The following PRKAG2 variants were observed in gnomAD, a reference collection of about 807,000 sequenced individuals.
PRKAG2 encodes the protein 5'-AMP-activated protein kinase subunit gamma-2.
A neutral mutation model predicts 69.6 loss-of-function variants in PRKAG2; 26 were observed. That is an observed-to-expected ratio of 0.37 (90% CI 0.27 to 0.52). The LOEUF is 0.52. Among genes scored for constraint, PRKAG2 ranks in the 20% least tolerant of loss-of-function variants. PRKAG2 has a pLI of 0.90. For missense variants in PRKAG2, 557 were observed against 740.0 expected (o/e 0.75, Z 2.87); for synonymous variants, 293 against 285.0 (o/e 1.03, Z -0.28).
At chr7:151,802,572 T>TGGCTTAAAGGCCAAATTGCACTGCCCTA (rs1467774373) in intron 1 of PRKAG2, among the ~76,000 whole-genome samples, 1 of 152,192 alleles carries the variant, frequency 6.6e-6, no homozygotes, top group Non-Finnish European at 1.5e-5. Flanking sequence ...CTGCCCTATT[T>TGGCTTAAAGGCCAAATTGCACTGCCCTA]TCATGGCTTA....
At chr7:151,558,134 A>C in intron 15 of PRKAG2, 1 of 985,418 alleles carries the variant, frequency 1.0e-6, no homozygotes, top group South Asian at 4.7e-5. Flanking sequence ...ATGCACGCAC[A>C]CATGGGTTCA....
At chr7:151,796,142 C>T (rs919794303) in intron 1 of PRKAG2, among the ~76,000 whole-genome samples, 8 of 152,100 alleles carry the variant, frequency 5.3e-5, no homozygotes, top group Admixed American at 1.3e-4. Context: ...CCCCCTCACC[C>T]GAGCTGGTGG....
chr7:151,706,908 C>T (rs1434485887), intron 3 of PRKAG2, among the ~76,000 whole-genome samples: 1 of 152,238 alleles, frequency 6.6e-6, no homozygotes, highest in Non-Finnish European at 1.5e-5. Context: ...CACTCAAATA[C>T]ACCCTCCAGA....
intron 6 of PRKAG2, among the ~76,000 whole-genome samples, chr7:151,586,596 C>T (rs1032526181): frequency 7.2e-5 from 11 of 152,176 alleles, no homozygotes; most frequent in South Asian, 2.1e-4. Flanking sequence ...AGGTGCTCTC[C>T]GCAACTATTG....
At chr7:151,683,500 T>C (rs6464161) in intron 3 of PRKAG2, among the ~76,000 whole-genome samples, 53,010 of 151,760 alleles carry the variant, frequency 0.35, 9,279 homozygotes, top group Middle Eastern at 0.41. Context: ...GCCTCATTCC[T>C]GCCTGAGGAA....
chr7:151,615,331 T>A (rs1423407061), intron 5 of PRKAG2, among the ~76,000 whole-genome samples: 1 of 152,256 alleles, frequency 6.6e-6, no homozygotes, highest in Non-Finnish European at 1.5e-5. Flanking sequence ...AGTGCTGCAA[T>A]GGACATACAC....
At chr7:151,680,225 T>C (rs1011495194) in intron 3 of PRKAG2, among the ~76,000 whole-genome samples, 1 of 152,216 alleles carries the variant, frequency 6.6e-6, no homozygotes, top group African/African-American at 2.4e-5. Flanking sequence ...CTTATTTGTG[T>C]AATTGCTAAG....
At chr7:151,578,350 GCAAA>G (rs1463613844) in intron 6 of PRKAG2, among the ~76,000 whole-genome samples, 3 of 152,078 alleles carry the variant, frequency 2.0e-5, no homozygotes, top group Non-Finnish European at 4.4e-5. Context: ...TCTCAAACAA[GCAAA>G]CAAACAAATG....
intron 1 of PRKAG2, among the ~76,000 whole-genome samples, chr7:151,812,638 C>G (rs1030002030): frequency 6.6e-6 from 1 of 152,144 alleles, no homozygotes; most frequent in Non-Finnish European, 1.5e-5. Flanking sequence ...TGGGACAGGA[C>G]CTGAAGAGAA....
At chr7:151,586,313 G>C (rs1811653817) in intron 6 of PRKAG2, among the ~76,000 whole-genome samples, 3 of 149,908 alleles carry the variant, frequency 2.0e-5, no homozygotes, top group African/African-American at 7.4e-5. Context: ...ACAAAAGAAA[G>C]GCAGGTGAAT....
In PRKAG2 at chr7:151,638,278, TA is replaced by T. The variant is rs1826071586; in HGVS notation, c.685-6141del. On this transcript the variant is annotated intron_variant, in intron 4 of 15. Coordinates refer to ENST00000287878, the MANE Select transcript of PRKAG2 (RefSeq NM_016203.4). This position sits in a 1 kb window ranked among gnomAD's most constrained non-coding sequence, Gnocchi z 4.3. ...GAACAGAGGGACCCAAGTTGGACTT[TA>T]TGGAGAGAATGCCTGAGAAACATGG... Among the ~76,000 whole-genome samples the T allele has an allele frequency of 3.3e-5, 5 of 152,136 alleles. No homozygotes were observed. The highest frequency in any genetic ancestry group is 1.2e-4 in the African/African-American group (5 of 41,436).
chr7:151,775,155 G>A (rs941142566), intron 3 of PRKAG2, among the ~76,000 whole-genome samples: 1 of 152,242 alleles, frequency 6.6e-6, no homozygotes, highest in African/African-American at 2.4e-5. Context: ...TGGCCAAGGA[G>A]GGTGGGATGC....
intron 1 of PRKAG2, among the ~76,000 whole-genome samples, chr7:151,820,952 C>T (rs571698969): frequency 3.7e-4 from 1 of 2,680 alleles, no homozygotes; most frequent in Non-Finnish European, 1.9e-3. Flanking sequence ...CTTAGGACCC[C>T]CCCCAGCCAG....
At chr7:151,594,776 C>T (rs1005392108) in intron 6 of PRKAG2, among the ~76,000 whole-genome samples, 3 of 152,140 alleles carry the variant, frequency 2.0e-5, no homozygotes, top group South Asian at 2.1e-4. Context: ...CCTTAAATTC[C>T]ACAACAACTT....
rs1584913480 is a variant in PRKAG2, at chr7:151,560,698, T to G, written c.1585-81A>C. 7 of 1,532,970 alleles carry G rather than the reference T, an allele frequency of 4.6e-6. No homozygotes were observed. In the East Asian group the frequency reaches 1.6e-4, roughly 35 times the overall value. The allele number at this position is 1,532,970 out of a possible 1,614,324, so 95.0% of individuals were successfully genotyped here. A position where few individuals can be genotyped will look rare whatever the true frequency, so the allele number is the denominator to read the frequency against. On this transcript the variant is annotated intron_variant, in intron 14 of 15. Coordinates refer to ENST00000287878, the MANE Select transcript of PRKAG2 (RefSeq NM_016203.4). ...GGACATGAGAAATAATGTCCTGTCA[T>G]GTTTTTATATGATCAACACATCCCT...
intron 5 of PRKAG2, among the ~76,000 whole-genome samples, chr7:151,604,960 C>T (rs914042794): frequency 2.6e-5 from 4 of 152,104 alleles, no homozygotes; most frequent in Admixed American, 6.5e-5. Context: ...GGAGGATCTA[C>T]GACATTTTTT....
rs1488159582 is a variant in PRKAG2 at position 151,565,391 on chromosome 7, T to C, written c.1400-8A>G. 2.2e-6 allele frequency: 3 copies of C among 1,351,306 alleles called. No homozygotes were observed. Among genetic ancestry groups the C allele is most frequent in the Non-Finnish European group, 3.1e-6 (3 of 969,348 alleles). 83.7% of individuals were successfully genotyped at this position (1,351,306 alleles called of 1,614,324 possible). A position where few individuals can be genotyped will look rare whatever the true frequency, so the allele number is the denominator to read the frequency against. Reference sequence around the variant, plus strand: ...AAATATCTACAACTTTTCCTAAAAATGAAAAATATATGTTAGAAAAATGTC... The same window carrying C: ...AAATATCTACAACTTTTCCTAAAAACGAAAAATATATGTTAGAAAAATGTC... On this transcript the variant is annotated splice_polypyrimidine_tract_variant and splice_region_variant and intron_variant, in intron 12 of 15. Coordinates refer to ENST00000287878, the MANE Select transcript of PRKAG2 (RefSeq NM_016203.4).
chr7:151,695,191 T>C lies in PRKAG2; in HGVS notation c.467-19554A>G, dbSNP rs561487205. On this transcript the variant is annotated intron_variant, in intron 3 of 15. Coordinates refer to ENST00000287878, the MANE Select transcript of PRKAG2 (RefSeq NM_016203.4). ...GCACAGAGCCTGCAGCCCGGCAGAG[T>C]CTGATGACACTGTGTTGTGTAAATT... is the stretch of plus-strand genomic sequence containing the variant. Among the ~76,000 whole-genome samples, 9 of 151,980 alleles carry C rather than the reference T, an allele frequency of 5.9e-5. No homozygotes were observed. In the South Asian group the frequency reaches 1.9e-3, roughly 32 times the overall value.
intron 3 of PRKAG2, among the ~76,000 whole-genome samples, chr7:151,728,783 C>T (rs761206107): frequency 1.3e-5 from 2 of 152,152 alleles, no homozygotes; most frequent in Non-Finnish European, 2.9e-5. Flanking sequence ...CTGATGAGCG[C>T]CCCTGGGAGA....
Sources: gnomAD v4.1 joint callset for allele counts (sites outside exome capture counted in the v4.1 genomes callset) on GRCh38, gnomAD v4.1.1 for gene constraint, Gnocchi (gnomAD v3.1) non-coding constraint, MANE v1.5 for transcripts, NCBI Gene and HGNC (gene_info 2026-07-23, HGNC 2026-07-21) for gene names.